SLC36A1: variants seen among roughly 807,000 people sequenced by gnomAD.
SLC36A1 encodes the protein solute carrier family 36 member 1, also known as proton-coupled amino acid transporter 1.
Under a neutral mutation model 47.5 loss-of-function variants are expected in SLC36A1, and 30 were observed. That is an observed-to-expected ratio of 0.63 (90% CI 0.47 to 0.86). The LOEUF (loss-of-function observed/expected upper bound fraction) is 0.86. SLC36A1 is among the 40% of genes least tolerant of loss of function. The pLI is 0.00. For synonymous variants in SLC36A1, 255 were observed against 249.7 expected (o/e 1.02, Z -0.20); for missense variants, 517 against 606.0 (o/e 0.85, Z 1.54).
chr5:151,352,154 A>G, the SLC36A1 span, among the ~76,000 whole-genome samples: 3 of 152,132 alleles, frequency 2.0e-5, no homozygotes, highest in Non-Finnish European at 4.4e-5. Flanking sequence ...TTCTGCTCCA[A>G]CAACCTCCCT....
chr5:151,453,487 C>G (rs1261532782), intron 1 of SLC36A1, among the ~76,000 whole-genome samples: 1 of 151,934 alleles, frequency 6.6e-6, no homozygotes, highest in African/African-American at 2.4e-5. Flanking sequence ...CTAGTGGTTA[C>G]TGTACTGGAT....
intron 2 of SLC36A1, among the ~76,000 whole-genome samples, chr5:151,460,280 A>T (rs1383485718): frequency 7.5e-6 from 1 of 134,054 alleles, no homozygotes; most frequent in African/African-American, 2.6e-5. Context: ...CTCCTTTTTG[A>T]TCTCAGATAT....
the SLC36A1 span, among the ~76,000 whole-genome samples, chr5:151,404,693 T>C: frequency 6.6e-6 from 1 of 152,236 alleles, no homozygotes; most frequent in Non-Finnish European, 1.5e-5. Flanking sequence ...GAATATGAAA[T>C]TCTTGGTTGG....
the SLC36A1 span, among the ~76,000 whole-genome samples, chr5:151,424,989 T>C: frequency 6.6e-6 from 1 of 152,184 alleles, no homozygotes; most frequent in Non-Finnish European, 1.5e-5. Context: ...GTATAAAGGA[T>C]ACCTCAACAA....
rs115294239 is a variant in SLC36A1, at chr5:151,438,432, C to T, written c.-6+1253C>T. ...AAAACACCTCAGGTGCTCTAGCTACCTTAGGACCCACCTGGCACTCAGCAC... is the reference window on the plus strand; with the variant it reads ...AAAACACCTCAGGTGCTCTAGCTACTTTAGGACCCACCTGGCACTCAGCAC... On this transcript the variant is annotated intron_variant, in intron 1 of 8. Coordinates refer to the SLC36A1 transcript ENST00000429484. Among the ~76,000 whole-genome samples the T allele has an allele frequency of 2.8e-3, 428 of 152,046 alleles. 2 individuals carry two copies. Among genetic ancestry groups the T allele is most frequent in the African/African-American group, 9.6e-3 (400 of 41,492 alleles).
chr5:151,451,124 TG>T (rs1400156758), intron 1 of SLC36A1: 1 of 152,226 alleles, frequency 6.6e-6, no homozygotes, highest in Non-Finnish European at 1.5e-5. Context: ...GTGCTGCATT[TG>T]GGGTTGTCTC....
chr5:151,347,312 T>G, the SLC36A1 span: 2 of 1,602,610 alleles, frequency 1.2e-6, no homozygotes, highest in Admixed American at 1.7e-5. Context: ...GCCCTTGGTC[T>G]TCTTCAAGCC....
the SLC36A1 span, among the ~76,000 whole-genome samples, chr5:151,552,823 C>T: frequency 1.3e-5 from 2 of 152,186 alleles, no homozygotes; most frequent in African/African-American, 2.4e-5. Flanking sequence ...GGCAGGCTCA[C>T]GGTCAACTAT....
chr5:151,409,264 G>T, the SLC36A1 span, among the ~76,000 whole-genome samples: 1 of 152,048 alleles, frequency 6.6e-6, no homozygotes, highest in Non-Finnish European at 1.5e-5. Flanking sequence ...CCTCCCAAGT[G>T]CTAGGATTAC....
At chr5:151,373,978 G>T in the SLC36A1 span, among the ~76,000 whole-genome samples, 23 of 152,184 alleles carry the variant, frequency 1.5e-4, no homozygotes, top group African/African-American at 5.3e-4. Context: ...ATGGGCTGGT[G>T]TGTATGTATG....
the SLC36A1 span, among the ~76,000 whole-genome samples, chr5:151,389,033 A>G: frequency 2.3e-3 from 347 of 152,306 alleles, 3 homozygotes; most frequent in African/African-American, 8.1e-3. Context: ...TGTTACTCCA[A>G]TACTTAAAAA....
At chr5:151,472,674 A>G (rs1428541201) in intron 7 of SLC36A1, among the ~76,000 whole-genome samples, 5 of 152,198 alleles carry the variant, frequency 3.3e-5, no homozygotes, top group Non-Finnish European at 7.3e-5. Flanking sequence ...GAGAATTTTA[A>G]AAAGGAGAAG....
chr5:151,409,377 T>A, the SLC36A1 span, among the ~76,000 whole-genome samples: 6 of 152,172 alleles, frequency 3.9e-5, no homozygotes, highest in Non-Finnish European at 5.9e-5. Flanking sequence ...CTGAGGAGTT[T>A]GCATCAAGCC....
At chr5:151,440,626 G>A (rs544581695) in intron 1 of SLC36A1, among the ~76,000 whole-genome samples, 9 of 151,906 alleles carry the variant, frequency 5.9e-5, no homozygotes, top group South Asian at 2.1e-4. Context: ...GAATGCAAAA[G>A]GATTAATTTC....
chr5:151,361,210 T>C, the SLC36A1 span, among the ~76,000 whole-genome samples: 1 of 152,156 alleles, frequency 6.6e-6, no homozygotes, highest in Non-Finnish European at 1.5e-5. Context: ...TTCCATAGAG[T>C]ACTATGTGTA....
intron 2 of SLC36A1, among the ~76,000 whole-genome samples, chr5:151,460,308 A>G (rs1755328853): frequency 6.6e-6 from 1 of 152,152 alleles, no homozygotes; most frequent in African/African-American, 2.4e-5. Context: ...TCTAAGCAAT[A>G]TTTAGCAGAT....
chr5:151,451,368 A>G (rs977222557), intron 1 of SLC36A1, among the ~76,000 whole-genome samples: 1 of 152,054 alleles, frequency 6.6e-6, no homozygotes, highest in African/African-American at 2.4e-5. Flanking sequence ...GCTAGTCCTT[A>G]ATGACCATCT....
chr5:151,528,076 C>T, the SLC36A1 span: 5 of 1,614,220 alleles, frequency 3.1e-6, no homozygotes, highest in South Asian at 2.2e-5. Flanking sequence ...TGGTTCCCTC[C>T]TATGAGGCTA....
chr5:151,368,684 T>C, the SLC36A1 span, among the ~76,000 whole-genome samples: 7 of 152,198 alleles, frequency 4.6e-5, no homozygotes, highest in Non-Finnish European at 1.0e-4. Flanking sequence ...TTCTCCTTTT[T>C]TCTGGTGACC....
Sources: gnomAD v4.1 joint callset for allele counts (sites outside exome capture counted in the v4.1 genomes callset) on GRCh38, gnomAD v4.1.1 for gene constraint, MANE v1.5 for transcripts, NCBI Gene and HGNC (gene_info 2026-07-23, HGNC 2026-07-21) for gene names.